MYO16: variants seen among roughly 807,000 people sequenced by gnomAD.
The protein encoded by MYO16 is myosin XVI.
MYO16 carries 94 observed loss-of-function variants against 205.3 expected under a neutral mutation model. That is an observed-to-expected ratio of 0.46 (90% CI 0.39 to 0.54). MYO16 has a LOEUF of 0.54. MYO16 is among the 20% of genes least tolerant of loss of function. The pLI is 0.00. For missense variants in MYO16, 2,315 were observed against 2,387.5 expected (o/e 0.97, Z 0.63); for synonymous variants, 988 against 954.0 (o/e 1.04, Z -0.66).
chr13:109,047,752 A>G lies in MYO16; in HGVS notation c.2872+761A>G, dbSNP rs558200713. Among the ~76,000 whole-genome samples, 303 of 152,260 alleles carry G rather than the reference A, an allele frequency of 2.0e-3. 1 individual carries two copies. Among genetic ancestry groups the G allele is most frequent in the African/African-American group, 7.0e-3 (292 of 41,568 alleles). ...TAAATGAAATAGTCATTCATCTTTA[A>G]AAGAAGCACAGGATAGCTTTTTCGT... On this transcript the variant is annotated intron_variant, in intron 24 of 34. Coordinates refer to ENST00000457511, the MANE Select transcript of MYO16 (RefSeq NM_001198950.3).
At chr13:108,759,228 C>G (rs904082488) in intron 4 of MYO16, among the ~76,000 whole-genome samples, 1 of 151,720 alleles carries the variant, frequency 6.6e-6, no homozygotes, top group African/African-American at 2.4e-5. Flanking sequence ...ATAACTAGAG[C>G]AGATGTTTCA....
At chr13:108,669,978 G>T (rs1416694904) in intron 2 of MYO16, among the ~76,000 whole-genome samples, 1 of 152,020 alleles carries the variant, frequency 6.6e-6, no homozygotes, top group African/African-American at 2.4e-5. Context: ...ATGTACATGG[G>T]GCTTAAAACC....
At chr13:109,198,475 A>G (rs1880254233) in intron 34 of MYO16, among the ~76,000 whole-genome samples, 1 of 152,166 alleles carries the variant, frequency 6.6e-6, no homozygotes, top group Non-Finnish European at 1.5e-5. Flanking sequence ...GTTTTGAGTC[A>G]TATATAAATC....
chr13:108,851,845 C>T (rs576671776), intron 10 of MYO16, among the ~76,000 whole-genome samples: 1 of 152,262 alleles, frequency 6.6e-6, no homozygotes, highest in African/African-American at 2.4e-5. Flanking sequence ...TGCTCAGTCC[C>T]CTCCATGACT....
intron 1 of MYO16, among the ~76,000 whole-genome samples, chr13:108,653,138 A>G (rs1204782247): frequency 2.6e-5 from 4 of 152,164 alleles, no homozygotes; most frequent in Non-Finnish European, 5.9e-5. Context: ...CTGATGATCA[A>G]TGATGTTGAG....
intron 14 of MYO16, among the ~76,000 whole-genome samples, chr13:108,892,407 T>G (rs887118769): frequency 6.6e-6 from 1 of 152,090 alleles, no homozygotes; most frequent in African/African-American, 2.4e-5. Flanking sequence ...ACCTGCCTAA[T>G]TTTTGTAGTT....
chr13:109,112,772 T>G (rs1889329180), intron 28 of MYO16, among the ~76,000 whole-genome samples: 2 of 152,178 alleles, frequency 1.3e-5, no homozygotes, highest in Admixed American at 1.3e-4. Flanking sequence ...TGTAGACAAA[T>G]GAAATTTTAA....
At chr13:108,914,216 T>C (rs1594391706) in intron 16 of MYO16, among the ~76,000 whole-genome samples, 1 of 148,990 alleles carries the variant, frequency 6.7e-6, no homozygotes, top group Non-Finnish European at 1.5e-5. Flanking sequence ...AATTACTGTA[T>C]CTACTATTGT....
rs1594461623 is a variant in MYO16, at chr13:109,004,097, A to T, written c.2443-4800A>T. ...TAATAGACATTACCTTATTTCATGGATTCAACATTGTTTCTCAGCAATTTG... is the reference window on the plus strand; with the variant it reads ...TAATAGACATTACCTTATTTCATGGTTTCAACATTGTTTCTCAGCAATTTG... On this transcript the variant is annotated intron_variant, in intron 21 of 34. Coordinates refer to ENST00000457511, the MANE Select transcript of MYO16 (RefSeq NM_001198950.3). Among the ~76,000 whole-genome samples the T allele has an allele frequency of 2.6e-5, 4 of 152,296 alleles. No individual in the cohort carries two copies. The South Asian group carries it at 8.3e-4, about 32-fold the overall frequency.
the MYO16 span, among the ~76,000 whole-genome samples, chr13:108,509,419 A>G: frequency 2.7e-4 from 41 of 152,212 alleles, no homozygotes; most frequent in Non-Finnish European, 4.8e-4. Context: ...GGAAAGCTAC[A>G]CTTTACACTT....
chr13:109,183,054 G>A (rs547941321), intron 34 of MYO16, among the ~76,000 whole-genome samples: 138 of 152,274 alleles, frequency 9.1e-4, no homozygotes, highest in Non-Finnish European at 1.6e-3. Flanking sequence ...CTAGAATTTC[G>A]TAGGTTATAG....
intron 20 of MYO16, among the ~76,000 whole-genome samples, chr13:108,976,376 A>G (rs1466115080): frequency 6.6e-6 from 1 of 152,164 alleles, no homozygotes; most frequent in East Asian, 1.9e-4. Context: ...CTGGGAAAAA[A>G]ATTGAAACTT....
intron 3 of MYO16, among the ~76,000 whole-genome samples, chr13:108,713,283 G>A (rs955296935): frequency 2.0e-5 from 3 of 152,094 alleles, no homozygotes; most frequent in African/African-American, 7.2e-5. Context: ...ACAAGTATTC[G>A]ATTTGGTGGT....
chr13:108,924,362 G>A (rs2139272638), intron 16 of MYO16, among the ~76,000 whole-genome samples: 1 of 152,284 alleles, frequency 6.6e-6, no homozygotes, highest in South Asian at 2.1e-4. Context: ...GTCATTAACT[G>A]TGCTTCCCAC....
intron 1 of MYO16, among the ~76,000 whole-genome samples, chr13:108,642,479 G>A (rs527748117): frequency 6.6e-6 from 1 of 152,154 alleles, no homozygotes; most frequent in Admixed American, 6.5e-5. Flanking sequence ...GTCTCGCTCT[G>A]TCACCCAGAC....
chr13:108,617,465 G>A (rs537786657), intron 1 of MYO16, among the ~76,000 whole-genome samples: 1 of 152,216 alleles, frequency 6.6e-6, no homozygotes, highest in African/African-American at 2.4e-5. Context: ...GCTTTTCTGT[G>A]TATACCTGAG....
rs561646615 is a variant in MYO16, at chr13:108,617,276, C to A, written c.-39+21037C>A. On this transcript the variant is annotated intron_variant, in intron 1 of 24. Transcript: ENST00000251041. ...CTGTTTGATGGGAGCACAGAATCTG[C>A]ATTTCAAACAAGTTCTCTGGGGATG... is the stretch of plus-strand genomic sequence containing the variant. Among the ~76,000 whole-genome samples, 152 of 152,276 alleles carry A rather than the reference C, an allele frequency of 1.0e-3. 1 individual carries two copies. The highest frequency in any genetic ancestry group is 3.6e-3 in the African/African-American group (150 of 41,562).
intron 4 of MYO16, among the ~76,000 whole-genome samples, chr13:108,775,525 T>TA (rs397752922): frequency 6.6e-6 from 1 of 151,926 alleles, no homozygotes; most frequent in East Asian, 1.9e-4. Context: ...TGGTTTTTTT[T>TA]AAATAAAAGC....
chr13:108,699,173 CTA>C (rs1003071099), intron 2 of MYO16, among the ~76,000 whole-genome samples: 7 of 111,060 alleles, frequency 6.3e-5, no homozygotes, highest in African/African-American at 1.6e-4. Flanking sequence ...ACCATATATA[CTA>C]TATACACACA....
Sources: allele counts gnomAD v4.1 joint callset (sites outside exome capture counted in the v4.1 genomes callset), GRCh38; gene constraint gnomAD v4.1.1; transcripts MANE v1.5; gene names NCBI Gene and HGNC (gene_info 2026-07-23, HGNC 2026-07-21).